The following KDM5A variants were observed in gnomAD, a reference collection of about 807,000 sequenced individuals.
The protein encoded by KDM5A is lysine-specific demethylase 5A.
Under a neutral mutation model 193.5 loss-of-function variants are expected in KDM5A, and 42 were observed. That is an observed-to-expected ratio of 0.22 (90% CI 0.17 to 0.28). The LOEUF is 0.28. Ranked by LOEUF, KDM5A falls within the 10% of genes least tolerant of loss-of-function variation. The pLI is 1.00. For missense variants in KDM5A, 1,692 were observed against 2,055.1 expected (o/e 0.82, Z 3.42); for synonymous variants, 796 against 718.1 (o/e 1.11, Z -1.73).
At chr12:374,871 T>C (rs1285082966) in intron 3 of KDM5A, among the ~76,000 whole-genome samples, 2 of 150,034 alleles carry the variant, frequency 1.3e-5, no homozygotes, top group Non-Finnish European at 2.9e-5. Context: ...GGGTTGAAAA[T>C]TCTTTTTTTT....
chr12:328,964 G>T lies in KDM5A; in HGVS notation c.1839C>A (p.His613Gln), dbSNP rs199497860. 1 of 1,614,054 alleles carries T rather than the reference G, an allele frequency of 6.2e-7. No individual in the cohort carries two copies. Among genetic ancestry groups the T allele is most frequent in the Non-Finnish European group, 8.5e-7 (1 of 1,180,044 alleles). Residue 613 changes from histidine (H) to glutamine (Q), a missense_variant, in exon 14 of 28, where the codon CAC becomes CAA. By Grantham distance (24) the His-to-Gln change is conservative (BLOSUM62 0). Around this residue, in one of 11 missense-constraint regions of KDM5A, gnomAD observed 3 missense variants for 23.5 expected, o/e 0.13. Coordinates refer to ENST00000399788, the MANE Select transcript of KDM5A (RefSeq NM_001042603.3). ...CTGCCATCTTGAAAATTAGTTCCTC[G>T]TGTGAAAAGACACAGTGGCGCCTTA... ...RRLRRHCVFSHEELIFKMAAD... is the reference protein window; with the variant it reads ...RRLRRHCVFSQEELIFKMAAD...
At chr12:348,637 C>A (rs1384475208) in intron 10 of KDM5A, among the ~76,000 whole-genome samples, 1 of 152,052 alleles carries the variant, frequency 6.6e-6, no homozygotes, top group Admixed American at 6.6e-5. Context: ...TGGAAACCAT[C>A]ATTCTCAGCA....
At chr12:340,515 G>A (rs1216426067) in intron 10 of KDM5A, among the ~76,000 whole-genome samples, 1 of 151,994 alleles carries the variant, frequency 6.6e-6, no homozygotes, top group African/African-American at 2.4e-5. Flanking sequence ...CCAACATGGT[G>A]AAACCCTGTC....
intron 27 of KDM5A, 126 bp downstream of exon 27, chr12:292,633 A>T: frequency 1.7e-6 from 2 of 1,174,738 alleles, no homozygotes; most frequent in Non-Finnish European, 2.5e-6. Context: ...AAATTGTACA[A>T]AAGACATTAT....
At chr12:336,655 A>G (rs1034843919) in intron 10 of KDM5A, among the ~76,000 whole-genome samples, 5 of 152,096 alleles carry the variant, frequency 3.3e-5, no homozygotes, top group Non-Finnish European at 5.9e-5. Context: ...AGACTGGCCA[A>G]CACCGTGAAA....
chr12:358,196 A>C (rs913063750), intron 5 of KDM5A, among the ~76,000 whole-genome samples: 30 of 152,214 alleles, frequency 2.0e-4, no homozygotes, highest in Admixed American at 5.9e-4. Flanking sequence ...ATATTCTCTG[A>C]ATATAGACTA....
At chr12:368,048 GAATA>G (rs1455721554) in intron 3 of KDM5A, among the ~76,000 whole-genome samples, 9 of 152,058 alleles carry the variant, frequency 5.9e-5, no homozygotes, top group Non-Finnish European at 1.5e-5. Flanking sequence ...ACAGATAAAT[GAATA>G]AACGAAATGT....
intron 9 of KDM5A, 124 bp from the exon 10 acceptor site, chr12:350,903 A>C (rs1195532753): frequency 4.7e-6 from 4 of 854,698 alleles, no homozygotes; most frequent in South Asian, 3.0e-5. Flanking sequence ...GATTCCCTAG[A>C]GCAGTAAAGA....
intron 3 of KDM5A, among the ~76,000 whole-genome samples, chr12:382,025 G>A (rs111414759): frequency 0.057 from 8,611 of 151,988 alleles, 790 homozygotes; most frequent in African/African-American, 0.19. Context: ...TGCCTAGCCT[G>A]GTCTCGAACT....
At chr12:297,241 T>C in intron 24 of KDM5A, 41 bp from the exon 25 acceptor site, 1 of 1,598,572 alleles carries the variant, frequency 6.3e-7, no homozygotes, top group East Asian at 2.2e-5. Context: ...ATTAGAGTCA[T>C]TTAACTTATT....
In KDM5A at chr12:307,111, G is replaced by A. The variant is rs759376877; in HGVS notation, c.3931-22C>T. 7 of 1,613,936 alleles carry A rather than the reference G, an allele frequency of 4.3e-6. No individual in the cohort carries two copies. The highest frequency in any genetic ancestry group is 3.3e-4 in the Middle Eastern group (2 of 6,062). On this transcript the variant is annotated intron_variant, in intron 23 of 27. Transcript: ENST00000399788. The surrounding 1 kb of genome is among the most constrained non-coding windows in gnomAD (Gnocchi z 4.3). ...GTCCCTAAACAACAAATAATTCCAAGATGAACAGCAAGACATGCTAAACAG... is the reference window on the plus strand; with the variant it reads ...GTCCCTAAACAACAAATAATTCCAAAATGAACAGCAAGACATGCTAAACAG...
intron 5 of KDM5A, among the ~76,000 whole-genome samples, chr12:360,850 A>G (rs972904487): frequency 2.4e-4 from 37 of 152,192 alleles, no homozygotes; most frequent in African/African-American, 8.2e-4. Context: ...TGGGAGAGAA[A>G]GATTTCTCAG....
Position 283,344 on chromosome 12 carries a change from T to A in KDM5A, c.*2112A>T, listed in dbSNP as rs1302089622. On this transcript the variant is annotated 3_prime_UTR_variant, in exon 28 of 28. Transcript: ENST00000399788. Reference sequence around the variant, plus strand: ...AAAACTTATGAAATCAGTTAATTAGTTACCTTGCAATATCCATTGAAATCT... The same window carrying A: ...AAAACTTATGAAATCAGTTAATTAGATACCTTGCAATATCCATTGAAATCT... 7.7e-5 allele frequency: 18 copies of A among 232,420 alleles called. No individual in the cohort carries two copies. Among genetic ancestry groups the A allele is most frequent in the Non-Finnish European group, 1.4e-4 (17 of 117,346 alleles). 14.4% of individuals were successfully genotyped at this position (232,420 alleles called of 1,614,324 possible).
chr12:308,067 T>C, intron 22 of KDM5A, 62 bp from the exon 23 acceptor site: 1 of 1,521,276 alleles, frequency 6.6e-7, no homozygotes. Flanking sequence ...AAATACCAAA[T>C]CCTCAAGGCT....
In KDM5A at chr12:280,543, CAG is replaced by C. The variant is rs1427331392; in HGVS notation, c.*4911_*4912del. 2.6e-5 allele frequency: 6 copies of C among 232,992 alleles called. No homozygotes were observed. Among genetic ancestry groups the C allele is most frequent in the South Asian group, 3.6e-4 (2 of 5,528 alleles). 14.4% of individuals were successfully genotyped at this position (232,992 alleles called of 1,614,324 possible). A position where few individuals can be genotyped will look rare whatever the true frequency, so the allele number is the denominator to read the frequency against. ...AAACTGAGGCCAAGTCCACTGCAAGCAGAGTCTTAACATTTTCAGAAATGATC... is the reference window on the plus strand; with the variant it reads ...AAACTGAGGCCAAGTCCACTGCAAGCAGTCTTAACATTTTCAGAAATGATC... On this transcript the variant is annotated 3_prime_UTR_variant, in exon 28 of 28. Transcript: ENST00000399788.
chr12:285,799 T>C (rs1034160764), intron 27 of KDM5A, 137 bp from the exon 28 acceptor site: 3 of 780,916 alleles, frequency 3.8e-6, no homozygotes, highest in Admixed American at 4.0e-5. Flanking sequence ...TCTTATGGGG[T>C]TATTTTTTAA....
At chr12:353,957 T>A in intron 8 of KDM5A, 119 bp downstream of exon 8, 1 of 734,006 alleles carries the variant, frequency 1.4e-6, no homozygotes, top group Non-Finnish European at 2.3e-6. Context: ...TTTTAAACAC[T>A]ACATAATGAA....
At position 323,195 on chromosome 12, in the gene KDM5A, G is replaced by T; in HGVS notation, c.2162C>A (p.Pro721Gln). ...TAGCAGAGAAGGGAGGTCTTCTAATGGGTAGCGATATCTACAAAAAAAAAA... is the reference window on the plus strand; with the variant it reads ...TAGCAGAGAAGGGAGGTCTTCTAATTGGTAGCGATATCTACAAAAAAAAAA... ...MQKKCLRYRY[P>Q]LEDLPSLLYG... The change falls in exon 16 of 28, where the codon CCA (proline) becomes CAA (glutamine). Residue 721 changes from proline to glutamine, a missense_variant. Physicochemically the swap from Pro to Gln is moderately conservative, Grantham distance 76 (BLOSUM62 -1). Coordinates refer to ENST00000399788, the MANE Select transcript of KDM5A (RefSeq NM_001042603.3). The T allele has an allele frequency of 1.7e-6, 1 of 576,772 alleles. No homozygotes were observed. The highest frequency in any genetic ancestry group is 1.6e-5 in the South Asian group (1 of 64,452). 35.7% of individuals were successfully genotyped at this position (576,772 alleles called of 1,614,324 possible). A position where few individuals can be genotyped will look rare whatever the true frequency, so the allele number is the denominator to read the frequency against.
At chr12:316,315 C>G (rs7313676) in intron 19 of KDM5A, among the ~76,000 whole-genome samples, 7,664 of 152,168 alleles carry the variant, frequency 0.05, 415 homozygotes, top group African/African-American at 0.14. Context: ...AACGGTAGCT[C>G]CATGAAAGCA....
Sources: gnomAD v4.1 joint callset for allele counts (sites outside exome capture counted in the v4.1 genomes callset) on GRCh38, gnomAD v4.1.1 for gene constraint, gnomAD v4.1.1 regional missense constraint, Gnocchi (gnomAD v3.1) non-coding constraint, MANE v1.5 for transcripts, NCBI Gene and HGNC (gene_info 2026-07-23, HGNC 2026-07-21) for gene names.